The following NUP133 variants were observed in gnomAD, a reference collection of about 807,000 sequenced individuals.
NUP133 encodes the protein nuclear pore complex protein Nup133.
A neutral mutation model predicts 146.2 loss-of-function variants in NUP133; 66 were observed. The ratio of observed to expected loss-of-function variants is 0.45; its 90% CI spans 0.37 to 0.55. NUP133 has a LOEUF of 0.55. Ranked by LOEUF, NUP133 falls within the 20% of genes least tolerant of loss-of-function variation. The pLI, the probability that NUP133 is intolerant of heterozygous loss-of-function variation, is 0.00. For synonymous variants in NUP133, 521 were observed against 498.8 expected (o/e 1.04, Z -0.59); for missense variants, 1,277 against 1,374.8 (o/e 0.93, Z 1.12).
intron 24 of NUP133, among the ~76,000 whole-genome samples, chr1:229,447,511 G>A (rs1277309498): frequency 6.6e-6 from 1 of 151,326 alleles, no homozygotes; most frequent in African/African-American, 2.4e-5. Context: ...ACAGCTGGCA[G>A]CCCCCAGCTA....
Position 229,477,620 on chromosome 1 carries a change from C to T in NUP133, c.1733G>A (p.Arg578Gln), listed in dbSNP as rs147206327. The T allele has an allele frequency of 1.5e-5, 24 of 1,613,064 alleles. No homozygotes were observed. The highest frequency in any genetic ancestry group is 1.1e-5 in the South Asian group (1 of 90,942). The change falls in exon 13 of 26, where the codon CGG (arginine) becomes CAG (glutamine). Residue 578 changes from arginine (R) to glutamine (Q), a missense_variant. This residue lies in a region of NUP133 where 952 missense variants were observed against 1,047.0 expected (regional missense o/e 0.91). Coordinates refer to ENST00000261396, the MANE Select transcript of NUP133 (RefSeq NM_018230.3). Reference sequence around the variant, plus strand: ...ACCCTCAGGGACAGACTCAGCCCACCGTGGGTCAGATGCTGGGTAGTCATC... The same window carrying T: ...ACCCTCAGGGACAGACTCAGCCCACTGTGGGTCAGATGCTGGGTAGTCATC... ...LMDDYPASDP[R>Q]WAESVPEEAP...
chr1:229,507,078 GTT>G (rs1661964503), intron 1 of NUP133, among the ~76,000 whole-genome samples: 1 of 152,120 alleles, frequency 6.6e-6, no homozygotes, highest in South Asian at 2.1e-4. Context: ...GATAACAAAG[GTT>G]TTTCTTCAAA....
intron 21 of NUP133, among the ~76,000 whole-genome samples, chr1:229,456,724 GTA>G (rs1571910203): frequency 6.8e-6 from 1 of 147,242 alleles, no homozygotes; most frequent in South Asian, 2.1e-4. Flanking sequence ...TAGATAAAAT[GTA>G]TATATATGTG....
chr1:229,500,225 T>C (rs1224203203), intron 4 of NUP133, among the ~76,000 whole-genome samples: 1 of 152,076 alleles, frequency 6.6e-6, no homozygotes, highest in Non-Finnish European at 1.5e-5. Flanking sequence ...TATTTTATTT[T>C]AATTTTATTA....
intron 21 of NUP133, among the ~76,000 whole-genome samples, chr1:229,456,696 C>T (rs1044412452): frequency 4.0e-5 from 6 of 151,088 alleles, no homozygotes; most frequent in Non-Finnish European, 5.9e-5. Context: ...ACAAGAAATA[C>T]GTATGTGTGT....
At chr1:229,455,189 A>C (rs1660534292) in intron 21 of NUP133, among the ~76,000 whole-genome samples, 1 of 152,250 alleles carries the variant, frequency 6.6e-6, no homozygotes, top group Admixed American at 6.5e-5. Flanking sequence ...TGGATAAGCC[A>C]CATAACCAGA....
chr1:229,444,823 AG>A, intron 25 of NUP133, 90 bp downstream of exon 25: 1 of 798,978 alleles, frequency 1.3e-6, no homozygotes, highest in Non-Finnish European at 2.1e-6. Context: ...CTCCAGCCTG[AG>A]TGACAGAGCA....
chr1:229,449,874 T>TATATATATATATATATATATATATA (rs1491123491), intron 23 of NUP133, among the ~76,000 whole-genome samples: 4 of 78,012 alleles, frequency 5.1e-5, no homozygotes, highest in African/African-American at 1.1e-4. Flanking sequence ...TATATATATA[T>TATATATATATATATATATATATATA]TTTTTTTTTT....
chr1:229,481,099 A>G (rs1661200997), intron 12 of NUP133, among the ~76,000 whole-genome samples: 1 of 152,044 alleles, frequency 6.6e-6, no homozygotes, highest in African/African-American at 2.4e-5. Context: ...ACTCCCCCAG[A>G]AATCATCCCT....
intron 25 of NUP133, among the ~76,000 whole-genome samples, chr1:229,444,463 C>T (rs1412546418): frequency 6.6e-6 from 1 of 152,104 alleles, no homozygotes; most frequent in East Asian, 1.9e-4. Flanking sequence ...AATATTAGTG[C>T]TAGATACTTA....
intron 22 of NUP133, among the ~76,000 whole-genome samples, chr1:229,451,916 T>C (rs539752331): frequency 2.0e-5 from 3 of 152,204 alleles, no homozygotes; most frequent in Non-Finnish European, 4.4e-5. Context: ...TAAATATATA[T>C]TCTATCAGGA....
chr1:229,467,794 G>A lies in NUP133; in HGVS notation c.2077-1038C>T, dbSNP rs935913933. On this transcript the variant is annotated intron_variant, in intron 15 of 25. Transcript: ENST00000261396. Reference sequence around the variant, plus strand: ...ACAAAAATTAGCTGGGCGTCGTGGCGTGCACCTGGAGTCCCGGCTACTTGG... The same window carrying A: ...ACAAAAATTAGCTGGGCGTCGTGGCATGCACCTGGAGTCCCGGCTACTTGG... Among the ~76,000 whole-genome samples, 8 of 151,776 alleles carry A rather than the reference G, an allele frequency of 5.3e-5. No homozygotes were observed. In the South Asian group the frequency reaches 8.3e-4, roughly 16 times the overall value.
chr1:229,490,419 A>AAT (rs1553259769), intron 8 of NUP133, among the ~76,000 whole-genome samples: 2 of 151,152 alleles, frequency 1.3e-5, no homozygotes, highest in Admixed American at 6.6e-5. Flanking sequence ...AAAAAAAAAA[A>AAT]TACTGAATGA....
chr1:229,490,651 T>C (rs1024247487), intron 8 of NUP133, among the ~76,000 whole-genome samples: 3 of 152,160 alleles, frequency 2.0e-5, no homozygotes, highest in African/African-American at 7.2e-5. Context: ...AATGACTAAA[T>C]TGTGTATCTG....
At chr1:229,497,346 T>A (rs1661679452) in intron 6 of NUP133, among the ~76,000 whole-genome samples, 1 of 152,088 alleles carries the variant, frequency 6.6e-6, no homozygotes, top group South Asian at 2.1e-4. Flanking sequence ...CAAAAACAGG[T>A]CAAAAGAGAA....
In NUP133 at chr1:229,487,591, T is replaced by C. The variant is rs1065674; in HGVS notation, c.1217A>G (p.Gln406Arg). ...PFQSEDLILC[Q>R]LTVPNFSNQT... ...GTTTGAAAAGTTTGGGACCGTCAAC[T>C]GACACAAAATCAGGTCTTCAGACTG... The change falls in exon 10 of 26, where the codon CAG becomes CGG. Residue 406 changes from glutamine to arginine, a missense_variant. By Grantham distance (43) the Gln-to-Arg change is conservative. Transcript: ENST00000261396. 360,106 of 1,608,564 alleles carry C rather than the reference T, an allele frequency of 0.22. 45,710 individuals carry two copies. The highest frequency in any genetic ancestry group is 0.54 in the African/African-American group (40,597 of 74,712).
intron 22 of NUP133, among the ~76,000 whole-genome samples, chr1:229,452,122 C>A (rs1297689575): frequency 1.3e-5 from 2 of 152,120 alleles, no homozygotes; most frequent in African/African-American, 4.8e-5. Flanking sequence ...TGTTGGGTTG[C>A]AGAGGAAAGG....
chr1:229,454,260 G>A (rs990133325), intron 21 of NUP133, among the ~76,000 whole-genome samples: 4 of 152,170 alleles, frequency 2.6e-5, no homozygotes, highest in Admixed American at 2.6e-4. Flanking sequence ...CCGCCCCAGG[G>A]AATGTGCTGA....
intron 17 of NUP133, among the ~76,000 whole-genome samples, chr1:229,465,099 T>C (rs1660781955): frequency 6.6e-6 from 1 of 152,234 alleles, no homozygotes; most frequent in African/African-American, 2.4e-5. Context: ...TAAATTCCTT[T>C]AATGCTACTC....
Sources: gnomAD v4.1 joint callset for allele counts (sites outside exome capture counted in the v4.1 genomes callset) on GRCh38, gnomAD v4.1.1 for gene constraint, gnomAD v4.1.1 regional missense constraint, MANE v1.5 for transcripts, NCBI Gene and HGNC (gene_info 2026-07-23, HGNC 2026-07-21) for gene names.